Variants in DPP6 observed in about 807,000 individuals in gnomAD.
DPP6 encodes the protein dipeptidyl peptidase like 6, also known as A-type potassium channel modulatory protein DPP6.
Under a neutral mutation model 122.6 loss-of-function variants are expected in DPP6, and 69 were observed. The observed-to-expected ratio is 0.56, with a 90% CI of 0.46 to 0.69. The LOEUF is 0.69. Among genes scored for constraint, DPP6 ranks in the 30% least tolerant of loss-of-function variants. The pLI is 0.00. For synonymous variants in DPP6, 418 were observed against 433.1 expected (o/e 0.97, Z 0.43); for missense variants, 928 against 1,116.9 (o/e 0.83, Z 2.41).
At chr7:154,110,342 A>G (rs1806482234) in intron 1 of DPP6, among the ~76,000 whole-genome samples, 1 of 152,114 alleles carries the variant, frequency 6.6e-6, no homozygotes, top group Admixed American at 6.5e-5. Context: ...ACCCTTTACT[A>G]AGGAGTTGTG....
intron 7 of DPP6, among the ~76,000 whole-genome samples, chr7:154,723,074 A>C (rs2131349524): frequency 6.6e-6 from 1 of 152,266 alleles, no homozygotes; most frequent in Admixed American, 6.5e-5. Context: ...CAGCCTGGGC[A>C]TCATGGCAAA....
At chr7:153,977,295 G>A (rs1796359317) in intron 1 of DPP6, among the ~76,000 whole-genome samples, 1 of 152,078 alleles carries the variant, frequency 6.6e-6, no homozygotes, top group Non-Finnish European at 1.5e-5. Flanking sequence ...GATGCCGCTG[G>A]AAGTATAGTC....
chr7:154,128,809 C>G (rs1226349015), intron 1 of DPP6, among the ~76,000 whole-genome samples: 2 of 149,900 alleles, frequency 1.3e-5, no homozygotes, highest in African/African-American at 4.9e-5. Flanking sequence ...GGACTCAAAT[C>G]TGATTGTTAC....
chr7:153,807,183 C>T, the DPP6 span, among the ~76,000 whole-genome samples: 2 of 151,744 alleles, frequency 1.3e-5, no homozygotes, highest in African/African-American at 2.4e-5. Context: ...GAGGCTGAGG[C>T]GGGCACATCA....
At chr7:154,490,013 C>T (rs995820114) in intron 3 of DPP6, among the ~76,000 whole-genome samples, 8 of 152,182 alleles carry the variant, frequency 5.3e-5, no homozygotes, top group African/African-American at 1.2e-4. Context: ...GAATAAACCT[C>T]GGAAGTTCAA....
At chr7:154,816,614 A>C (rs1315352174) in intron 16 of DPP6, among the ~76,000 whole-genome samples, 1 of 55,812 alleles carries the variant, frequency 1.8e-5, no homozygotes. Flanking sequence ...AGTGTTAACT[A>C]TCATAATTGT....
chr7:153,826,298 A>G, the DPP6 span, among the ~76,000 whole-genome samples: 1 of 152,198 alleles, frequency 6.6e-6, no homozygotes, highest in Non-Finnish European at 1.5e-5. Flanking sequence ...GAATAACAAG[A>G]CAACCTGCCC....
chr7:154,203,428 C>T (rs1799274045), intron 1 of DPP6, among the ~76,000 whole-genome samples: 1 of 152,166 alleles, frequency 6.6e-6, no homozygotes, highest in Non-Finnish European at 1.5e-5. Flanking sequence ...CAGCCTTGTC[C>T]TCGCAGGTCA....
chr7:154,723,034 G>A (rs1307115010), intron 7 of DPP6, among the ~76,000 whole-genome samples: 1 of 152,158 alleles, frequency 6.6e-6, no homozygotes, highest in Non-Finnish European at 1.5e-5. Context: ...GCTGAGGTGG[G>A]TGGATCACTT....
chr7:153,899,508 A>G (rs1799552807), intron 1 of DPP6, among the ~76,000 whole-genome samples: 1 of 152,180 alleles, frequency 6.6e-6, no homozygotes, highest in South Asian at 2.1e-4. Context: ...CTTCTCGTCA[A>G]CTTGGCCGGA....
chr7:154,186,295 A>G (rs912304005), intron 1 of DPP6, among the ~76,000 whole-genome samples: 1 of 152,204 alleles, frequency 6.6e-6, no homozygotes, highest in African/African-American at 2.4e-5. Context: ...TCTGGACTCT[A>G]AAAAGCTCTT....
At chr7:154,468,288 T>C (rs1200348926) in intron 2 of DPP6, among the ~76,000 whole-genome samples, 2 of 152,232 alleles carry the variant, frequency 1.3e-5, no homozygotes, top group Non-Finnish European at 1.5e-5. Context: ...AGAAGATTTT[T>C]GGTTGCGAAG....
intron 1 of DPP6, among the ~76,000 whole-genome samples, chr7:154,180,507 TA>T (rs958099240): frequency 9.0e-4 from 128 of 142,322 alleles, no homozygotes; most frequent in Admixed American, 2.7e-3. Context: ...GATATATAAA[TA>T]AATATATATA....
At chr7:154,136,694 A>G (rs1470957661) in intron 1 of DPP6, among the ~76,000 whole-genome samples, 1 of 152,206 alleles carries the variant, frequency 6.6e-6, no homozygotes, top group Non-Finnish European at 1.5e-5. Context: ...CCTCAAAGAC[A>G]GTTTTCTTTA....
At chr7:153,782,099 A>T in the DPP6 span, among the ~76,000 whole-genome samples, 1 of 151,436 alleles carries the variant, frequency 6.6e-6, no homozygotes, top group African/African-American at 2.4e-5. Flanking sequence ...ACGTCTGTGC[A>T]CTCATTTATG....
chr7:154,165,412 G>A (rs900350610), intron 1 of DPP6, among the ~76,000 whole-genome samples: 1 of 147,260 alleles, frequency 6.8e-6, no homozygotes, highest in East Asian at 1.9e-4. Context: ...ATCATTGTTG[G>A]ACATTTGGGT....
chr7:154,214,573 T>G (rs1259344086), intron 1 of DPP6, among the ~76,000 whole-genome samples: 1 of 152,206 alleles, frequency 6.6e-6, no homozygotes, highest in Non-Finnish European at 1.5e-5. Context: ...GTTAGCAAAT[T>G]GCTTAAACAC....
chr7:154,402,677 A>G (rs1815735654), intron 1 of DPP6, among the ~76,000 whole-genome samples: 1 of 151,074 alleles, frequency 6.6e-6, no homozygotes. Context: ...GCAGCGCACC[A>G]GCATGGCACA....
chr7:154,880,928 G>T lies in DPP6; in HGVS notation c.2119G>T (p.Ala707Ser). 1 of 1,613,944 alleles carries T rather than the reference G, an allele frequency of 6.2e-7. No individual in the cohort carries two copies. The highest frequency in any genetic ancestry group is 8.5e-7 in the Non-Finnish European group (1 of 1,179,878). Residue 707 changes from alanine to serine, a missense_variant, in exon 21 of 26, where the codon GCC becomes TCC. Transcript: ENST00000377770. ...KEQYIDRTRV[A>S]VFGKDYGGYL... ...GCAGTACATTGACAGGACGCGCGTG[G>T]CCGTGTTTGGGAAGGTGAGTCTGCG...
Sources: allele counts gnomAD v4.1 joint callset (sites outside exome capture counted in the v4.1 genomes callset), GRCh38; gene constraint gnomAD v4.1.1; transcripts MANE v1.5; gene names NCBI Gene and HGNC (gene_info 2026-07-23, HGNC 2026-07-21).